Variants in SIL1 observed in about 807,000 individuals in gnomAD.
The protein encoded by SIL1 is SIL1 nucleotide exchange factor, also known as nucleotide exchange factor SIL1.
SIL1 carries 40 observed loss-of-function variants against 49.1 expected under a neutral mutation model. The ratio of observed to expected loss-of-function variants is 0.81; its 90% confidence interval spans 0.63 to 1.06. The LOEUF (loss-of-function observed/expected upper bound fraction) is 1.06. Among genes scored for constraint, SIL1 ranks in the 50% least tolerant of loss-of-function variants. The pLI, the probability that SIL1 is intolerant of heterozygous loss-of-function variation, is 0.00. For missense variants in SIL1, 500 were observed against 572.6 expected, an observed-to-expected ratio of 0.87 and a Z score of 1.29; for synonymous variants, 253 against 250.8, an observed-to-expected ratio of 1.01 and a Z score of -0.08.
intron 5 of SIL1, among the ~76,000 whole-genome samples, chr5:139,038,454 G>A (rs1429807311): frequency 6.6e-6 from 1 of 152,108 alleles, no homozygotes; most frequent in Non-Finnish European, 1.5e-5. Context: ...CTTCCTTTGT[G>A]TGCTACCCAG....
At chr5:139,048,689 GC>G (rs1339866980) in intron 4 of SIL1, among the ~76,000 whole-genome samples, 3 of 152,150 alleles carry the variant, frequency 2.0e-5, no homozygotes. Context: ...ATATTCATAA[GC>G]TAAGAAAAGA....
chr5:138,966,837 CAG>C (rs1463106744), intron 7 of SIL1, among the ~76,000 whole-genome samples: 3 of 152,130 alleles, frequency 2.0e-5, no homozygotes, highest in Non-Finnish European at 4.4e-5. Flanking sequence ...TAATAAGTAG[CAG>C]AGTCATGAAA....
intron 3 of SIL1, among the ~76,000 whole-genome samples, chr5:139,055,611 T>TCC (rs113722794): frequency 0.17 from 11,488 of 66,100 alleles, 2,651 homozygotes; most frequent in African/African-American, 0.47. Context: ...CCTCTCCCTC[T>TCC]CCCTCTCCCC....
chr5:139,039,377 T>A (rs1768990253), intron 5 of SIL1, among the ~76,000 whole-genome samples: 1 of 151,984 alleles, frequency 6.6e-6, no homozygotes, highest in Admixed American at 6.5e-5. Context: ...GGTGGGGAGA[T>A]TTTCATTATC....
At chr5:139,000,629 A>G (rs1260204321) in intron 7 of SIL1, among the ~76,000 whole-genome samples, 1 of 152,188 alleles carries the variant, frequency 6.6e-6, no homozygotes, top group East Asian at 1.9e-4. Flanking sequence ...TCAAAACTTT[A>G]TACTCTCAGA....
intron 1 of SIL1, among the ~76,000 whole-genome samples, chr5:139,143,436 T>C (rs1751133226): frequency 6.6e-6 from 1 of 151,208 alleles, no homozygotes; most frequent in Non-Finnish European, 1.5e-5. Flanking sequence ...CGGGGCGTAA[T>C]CTAGGCTCAC....
In SIL1 at chr5:138,947,210, C is replaced by T; in HGVS notation, c.1293G>A (p.Val431=). Residue 431 remains valine (V), a synonymous_variant, in exon 10 of 10, where the codon GTG becomes GTA. Coordinates refer to ENST00000394817, the MANE Select transcript of SIL1 (RefSeq NM_022464.5). The surrounding 1 kb of genome is among the most constrained non-coding windows in gnomAD (Gnocchi z 4.1). ...CATCCTGCAGCTCCAGGCTGGCCAG[C>T]ACCTGGTACTCAGCCTGCAGGCTGG... ...TLASLQAEYQ[V]LASLELQDGE... 1 of 1,613,402 alleles carries T rather than the reference C, an allele frequency of 6.2e-7. No homozygotes were observed. Among genetic ancestry groups the T allele is most frequent in the Middle Eastern group, 1.6e-4 (1 of 6,062 alleles).
chr5:138,980,777 T>G (rs1767500685), intron 7 of SIL1, among the ~76,000 whole-genome samples: 1 of 152,152 alleles, frequency 6.6e-6, no homozygotes, highest in Admixed American at 6.5e-5. Flanking sequence ...AGTAAAGGAT[T>G]GCTTGCTAAA....
chr5:139,136,493 A>T (rs2151799500), intron 1 of SIL1, among the ~76,000 whole-genome samples: 1 of 152,330 alleles, frequency 6.6e-6, no homozygotes, highest in East Asian at 1.9e-4. Flanking sequence ...TCTTCAACTC[A>T]TGGCTGCACG....
chr5:139,174,114 GAATAGAAAAAT>G (rs1389230393), intron 1 of SIL1, among the ~76,000 whole-genome samples: 1 of 151,838 alleles, frequency 6.6e-6, no homozygotes, highest in Admixed American at 6.6e-5. Flanking sequence ...ATGAGATAGA[GAATAGAAAAAT>G]AATAGAAAAA....
intron 3 of SIL1, among the ~76,000 whole-genome samples, chr5:139,057,358 CTG>C (rs1769476217): frequency 6.7e-6 from 1 of 149,936 alleles, no homozygotes; most frequent in Non-Finnish European, 1.5e-5. Flanking sequence ...TGCTAGCCTT[CTG>C]GTCCAAGAAG....
intron 7 of SIL1, among the ~76,000 whole-genome samples, chr5:138,989,151 T>C (rs1381963653): frequency 6.6e-6 from 1 of 152,148 alleles, no homozygotes; most frequent in Non-Finnish European, 1.5e-5. Context: ...CAAATCAGAG[T>C]TGAAAACATG....
chr5:139,114,103 T>C (rs1440661383), intron 3 of SIL1, among the ~76,000 whole-genome samples: 12 of 152,238 alleles, frequency 7.9e-5, no homozygotes, highest in African/African-American at 2.2e-4. Flanking sequence ...AACTGGACCC[T>C]GGCCTGTCCC....
At chr5:139,029,689 G>A (rs940715568) in intron 5 of SIL1, among the ~76,000 whole-genome samples, 12 of 151,606 alleles carry the variant, frequency 7.9e-5, no homozygotes, top group Non-Finnish European at 1.8e-4. Flanking sequence ...TTGTAGACAT[G>A]GGGTTTCGCC....
At chr5:139,050,051 CTTTA>C (rs1241416551) in intron 4 of SIL1, among the ~76,000 whole-genome samples, 6 of 152,184 alleles carry the variant, frequency 3.9e-5, no homozygotes, top group Non-Finnish European at 7.3e-5. Context: ...CCCATTAAAA[CTTTA>C]TTTATGGACA....
At chr5:139,047,546 G>C (rs1021483245) in intron 4 of SIL1, among the ~76,000 whole-genome samples, 1 of 152,182 alleles carries the variant, frequency 6.6e-6, no homozygotes. Flanking sequence ...CTAACTTCTT[G>C]GACAATTTCA....
chr5:139,150,773 T>C (rs1751280619), intron 1 of SIL1, among the ~76,000 whole-genome samples: 1 of 152,122 alleles, frequency 6.6e-6, no homozygotes, highest in South Asian at 2.1e-4. Flanking sequence ...GCGGGGAAGG[T>C]CTGGTGCTGG....
intron 7 of SIL1, among the ~76,000 whole-genome samples, chr5:138,993,061 A>T (rs1450828252): frequency 6.6e-6 from 1 of 152,204 alleles, no homozygotes; most frequent in East Asian, 1.9e-4. Context: ...GGGCAAATAA[A>T]GTATAAAGAC....
At chr5:139,045,356 C>T (rs926128976) in intron 4 of SIL1, among the ~76,000 whole-genome samples, 1 of 152,002 alleles carries the variant, frequency 6.6e-6, no homozygotes, top group Non-Finnish European at 1.5e-5. Flanking sequence ...TCAAAACAAA[C>T]AAACAAACAA....
Sources: gnomAD v4.1 joint callset for allele counts (sites outside exome capture counted in the v4.1 genomes callset) on GRCh38, gnomAD v4.1.1 for gene constraint, Gnocchi (gnomAD v3.1) non-coding constraint, MANE v1.5 for transcripts, NCBI Gene and HGNC (gene_info 2026-07-23, HGNC 2026-07-21) for gene names.